The following SLC24A2 variants were observed in gnomAD, a reference collection of about 807,000 sequenced individuals.
SLC24A2 encodes sodium/potassium/calcium exchanger 2.
In SLC24A2, 36 loss-of-function variants were observed where a neutral mutation model predicts 62.0. The observed-to-expected ratio is 0.58, with a 90% CI of 0.44 to 0.77. The LOEUF (loss-of-function observed/expected upper bound fraction) is 0.77, where lower values mean the gene tolerates loss of function less well. SLC24A2 is among the 30% of genes least tolerant of loss of function. SLC24A2 has a pLI of 0.00. For synonymous variants in SLC24A2, 358 were observed against 294.0 expected (o/e 1.22, Z -2.23); for missense variants, 846 against 817.9 (o/e 1.03, Z -0.42).
chr9:19,889,226 C>A, the SLC24A2 span, among the ~76,000 whole-genome samples: 1 of 152,202 alleles, frequency 6.6e-6, no homozygotes, highest in African/African-American at 2.4e-5. Flanking sequence ...CTTGTAGCTT[C>A]AGCTTAGCTA....
At chr9:20,302,086 G>A in the SLC24A2 span, among the ~76,000 whole-genome samples, 3 of 152,122 alleles carry the variant, frequency 2.0e-5, no homozygotes, top group African/African-American at 7.2e-5. Flanking sequence ...TTTTAACGCT[G>A]AATAATATTC....
chr9:19,573,054 A>T (rs1298882942), intron 7 of SLC24A2, among the ~76,000 whole-genome samples: 1 of 152,216 alleles, frequency 6.6e-6, no homozygotes, highest in Non-Finnish European at 1.5e-5. Context: ...CACACCTGGT[A>T]TATGGCCCAG....
the SLC24A2 span, among the ~76,000 whole-genome samples, chr9:20,054,499 G>T: frequency 6.6e-6 from 1 of 151,928 alleles, no homozygotes; most frequent in Non-Finnish European, 1.5e-5. Flanking sequence ...GTCATTTAGT[G>T]GTGATTTCTG....
At chr9:20,026,708 A>T in the SLC24A2 span, among the ~76,000 whole-genome samples, 2 of 152,242 alleles carry the variant, frequency 1.3e-5, no homozygotes, top group African/African-American at 4.8e-5. Context: ...GTAAGATCTG[A>T]AACTATGAAA....
chr9:19,813,297 C>T, the SLC24A2 span, among the ~76,000 whole-genome samples: 1 of 149,578 alleles, frequency 6.7e-6, no homozygotes, highest in East Asian at 2.0e-4. Flanking sequence ...CAGCTCAACT[C>T]ACTTCTCCAT....
At chr9:20,223,613 G>T in the SLC24A2 span, among the ~76,000 whole-genome samples, 1 of 152,110 alleles carries the variant, frequency 6.6e-6, no homozygotes, top group Non-Finnish European at 1.5e-5. Context: ...GTAAGCTATT[G>T]GTGCAGGTGA....
At chr9:20,307,841 C>T in the SLC24A2 span, among the ~76,000 whole-genome samples, 10 of 152,220 alleles carry the variant, frequency 6.6e-5, no homozygotes, top group Middle Eastern at 3.4e-3. Context: ...GGAGGGACCG[C>T]GGCTCTCTTT....
intron 2 of SLC24A2, among the ~76,000 whole-genome samples, chr9:19,753,628 A>C (rs1405875402): frequency 6.6e-6 from 1 of 152,156 alleles, no homozygotes; most frequent in Non-Finnish European, 1.5e-5. Flanking sequence ...ATGTACCCTT[A>C]GGCACTTCCT....
the SLC24A2 span, among the ~76,000 whole-genome samples, chr9:20,115,169 G>T: frequency 6.6e-6 from 1 of 151,964 alleles, no homozygotes; most frequent in Admixed American, 6.6e-5. Flanking sequence ...GAAGGTGAGG[G>T]GCAGAATTGC....
chr9:19,903,718 G>A, the SLC24A2 span, among the ~76,000 whole-genome samples: 4 of 152,166 alleles, frequency 2.6e-5, no homozygotes, highest in Admixed American at 2.6e-4. Flanking sequence ...ATTAGAGATG[G>A]ATGGAGTAAG....
chr9:19,598,244 G>T (rs979229168), intron 4 of SLC24A2, among the ~76,000 whole-genome samples: 2 of 152,168 alleles, frequency 1.3e-5, no homozygotes, highest in African/African-American at 4.8e-5. Flanking sequence ...TAAACTTCAA[G>T]ACATTAATTA....
chr9:19,726,794 T>C (rs894031263), intron 2 of SLC24A2, among the ~76,000 whole-genome samples: 3 of 152,218 alleles, frequency 2.0e-5, no homozygotes, highest in Non-Finnish European at 2.9e-5. Context: ...GTAGAATTGA[T>C]CTATCCCAAG....
chr9:19,631,716 G>A (rs1323748548), intron 2 of SLC24A2, among the ~76,000 whole-genome samples: 3 of 152,160 alleles, frequency 2.0e-5, no homozygotes, highest in Admixed American at 2.0e-4. Context: ...CAAAAGAATT[G>A]AGGTGACTGG....
chr9:20,269,218 C>T, the SLC24A2 span, among the ~76,000 whole-genome samples: 3 of 151,968 alleles, frequency 2.0e-5, no homozygotes, highest in African/African-American at 7.3e-5. Flanking sequence ...AGTTTTGTGG[C>T]TCTCCCTTAA....
the SLC24A2 span, among the ~76,000 whole-genome samples, chr9:20,077,487 C>G: frequency 6.6e-6 from 1 of 152,218 alleles, no homozygotes; most frequent in East Asian, 1.9e-4. Context: ...CAGTTGTGTT[C>G]TACCTCACAG....
intron 2 of SLC24A2, among the ~76,000 whole-genome samples, chr9:19,758,533 C>T (rs1397236353): frequency 6.6e-6 from 1 of 151,922 alleles, no homozygotes; most frequent in Non-Finnish European, 1.5e-5. Context: ...TTTACTTAAA[C>T]AAACAAAAAA....
chr9:20,206,204 C>T, the SLC24A2 span, among the ~76,000 whole-genome samples: 1 of 152,110 alleles, frequency 6.6e-6, no homozygotes, highest in Admixed American at 6.5e-5. Context: ...AAAGAATATA[C>T]ACAATTATCT....
chr9:19,943,255 A>T, the SLC24A2 span, among the ~76,000 whole-genome samples: 1 of 148,178 alleles, frequency 6.7e-6, no homozygotes, highest in African/African-American at 2.4e-5. Flanking sequence ...ACACTCATTT[A>T]AAGTTGTATG....
the SLC24A2 span, among the ~76,000 whole-genome samples, chr9:19,873,551 T>C: frequency 3.3e-5 from 5 of 150,852 alleles, no homozygotes; most frequent in African/African-American, 1.2e-4. Flanking sequence ...TCTTTCTTTC[T>C]TTCTCTCTCT....
Sources: allele counts gnomAD v4.1 joint callset (sites outside exome capture counted in the v4.1 genomes callset), GRCh38; gene constraint gnomAD v4.1.1; transcripts MANE v1.5; gene names NCBI Gene and HGNC (gene_info 2026-07-23, HGNC 2026-07-21).